MDGA2: variants seen among roughly 807,000 people sequenced by gnomAD.
MDGA2 encodes MAM domain-containing glycosylphosphatidylinositol anchor protein 2.
MDGA2 carries 40 observed loss-of-function variants against 117.8 expected under a neutral mutation model. That is an observed-to-expected ratio of 0.34 (90% CI 0.26 to 0.44). The LOEUF is 0.44. MDGA2 is among the 20% of genes least tolerant of loss of function. MDGA2 has a pLI of 1.00. For missense variants in MDGA2, 1,123 were observed against 1,250.6 expected (o/e 0.90, Z 1.54); for synonymous variants, 452 against 439.0 (o/e 1.03, Z -0.37).
At chr14:47,308,502 G>GTTTTTTTTTTTTTTT in intron 1 of MDGA2, among the ~76,000 whole-genome samples, 1 of 112,922 alleles carries the variant, frequency 8.9e-6, no homozygotes. Context: ...CTTTCTGTTA[G>GTTTTTTTTTTTTTTT]TTTTTTTTTT....
At chr14:47,510,663 T>A (rs1311767763) in intron 1 of MDGA2, among the ~76,000 whole-genome samples, 1 of 152,182 alleles carries the variant, frequency 6.6e-6, no homozygotes, top group East Asian at 1.9e-4. Flanking sequence ...CTAGGTGATA[T>A]AAGGATAAAT....
chr14:46,975,603 T>C (rs1886425680), intron 8 of MDGA2, among the ~76,000 whole-genome samples: 4 of 152,076 alleles, frequency 2.6e-5, no homozygotes. Flanking sequence ...AAAAGACAAA[T>C]ACTTTATGAT....
At chr14:47,207,063 G>A (rs376337092) in intron 3 of MDGA2, among the ~76,000 whole-genome samples, 18 of 152,110 alleles carry the variant, frequency 1.2e-4, no homozygotes, top group South Asian at 2.1e-4. Flanking sequence ...TAAGCAACAC[G>A]TGTTTCTCAT....
intron 5 of MDGA2, 83 bp downstream of exon 5, chr14:47,131,631 T>G: frequency 1.8e-6 from 2 of 1,112,682 alleles, no homozygotes; most frequent in Non-Finnish European, 2.5e-6. Flanking sequence ...GTAGAAATCA[T>G]TTGGTCTTTA....
intron 8 of MDGA2, among the ~76,000 whole-genome samples, chr14:46,965,213 G>A (rs1039537896): frequency 5.0e-5 from 6 of 120,170 alleles, no homozygotes; most frequent in East Asian, 2.5e-4. Context: ...GCGAGCCACC[G>A]CGCCCGGCCT....
At chr14:47,674,426 GC>G in intron 1 of MDGA2, 90 bp downstream of exon 1, 1 of 1,113,778 alleles carries the variant, frequency 9.0e-7, no homozygotes. Flanking sequence ...GCCGGGAGGG[GC>G]CCCGGAACGG....
At chr14:46,895,913 T>C (rs1883058333) in intron 10 of MDGA2, among the ~76,000 whole-genome samples, 1 of 152,194 alleles carries the variant, frequency 6.6e-6, no homozygotes, top group South Asian at 2.1e-4. Context: ...AAGTTCTTGC[T>C]TCTGGTGAGT....
rs143969980 is a variant in MDGA2, at chr14:47,259,731, A to G, written c.421-41536T>C. On this transcript the variant is annotated intron_variant, in intron 2 of 16. Transcript: ENST00000399232. ...AGTGGCTTTAGAAAATAAGGGCTCA[A>G]TGACACTGGTTGCTGAAGTCATAGG... Among the ~76,000 whole-genome samples the G allele has an allele frequency of 5.6e-4, 85 of 152,256 alleles. No homozygotes were observed. The East Asian group carries it at 0.015, about 27-fold the overall frequency.
At chr14:47,544,233 G>C (rs565175119) in intron 1 of MDGA2, among the ~76,000 whole-genome samples, 1 of 152,054 alleles carries the variant, frequency 6.6e-6, no homozygotes, top group Non-Finnish European at 1.5e-5. Flanking sequence ...ATGAGACTAC[G>C]TGTGTAAGCT....
At chr14:47,176,579 G>T (rs1884460013) in intron 3 of MDGA2, among the ~76,000 whole-genome samples, 1 of 152,160 alleles carries the variant, frequency 6.6e-6, no homozygotes, top group South Asian at 2.1e-4. Context: ...AAATGGTGTT[G>T]GGAAAACTGA....
At chr14:47,288,431 C>T (rs1394720068) in intron 2 of MDGA2, among the ~76,000 whole-genome samples, 1 of 152,116 alleles carries the variant, frequency 6.6e-6, no homozygotes, top group Non-Finnish European at 1.5e-5. Flanking sequence ...TACCATATTG[C>T]AGACCCAGAT....
intron 1 of MDGA2, among the ~76,000 whole-genome samples, chr14:47,560,194 A>C (rs1238346702): frequency 2.6e-5 from 4 of 151,288 alleles, no homozygotes; most frequent in African/African-American, 9.7e-5. Flanking sequence ...CAGCCTTCCG[A>C]GTAGCTGGGA....
chr14:47,072,375 T>A (rs972790455), intron 6 of MDGA2, among the ~76,000 whole-genome samples: 1 of 152,204 alleles, frequency 6.6e-6, no homozygotes, highest in African/African-American at 2.4e-5. Flanking sequence ...TTGTTTGCAT[T>A]TCTTAGAGAC....
At chr14:46,962,407 T>C (rs1310387986) in intron 8 of MDGA2, among the ~76,000 whole-genome samples, 4 of 152,140 alleles carry the variant, frequency 2.6e-5, no homozygotes, top group African/African-American at 9.7e-5. Flanking sequence ...TCCAACTTCT[T>C]GGGAGACAGT....
At chr14:46,875,833 T>G (rs1256542072) in intron 12 of MDGA2, among the ~76,000 whole-genome samples, 2 of 151,642 alleles carry the variant, frequency 1.3e-5, no homozygotes, top group African/African-American at 4.8e-5. Flanking sequence ...GATAAAGGAT[T>G]TCAGTTTATG....
intron 2 of MDGA2, among the ~76,000 whole-genome samples, chr14:47,281,622 TTCC>T (rs1328946741): frequency 1.3e-5 from 2 of 152,226 alleles, no homozygotes; most frequent in Non-Finnish European, 2.9e-5. Flanking sequence ...CATTTTTAAT[TTCC>T]TCAACATATT....
At chr14:47,622,851 C>T (rs1231966146) in intron 1 of MDGA2, among the ~76,000 whole-genome samples, 1 of 152,072 alleles carries the variant, frequency 6.6e-6, no homozygotes, top group Admixed American at 6.5e-5. Context: ...GCTTCTGATG[C>T]CAGATGGTTG....
rs150305714 is a variant in MDGA2 at position 47,326,957 on chromosome 14, A to C, written c.281-25407T>G. Among the ~76,000 whole-genome samples the C allele has an allele frequency of 4.6e-4, 70 of 152,284 alleles. 1 individual carries two copies. Among genetic ancestry groups the C allele is most frequent in the Non-Finnish European group, 7.3e-4 (50 of 68,032 alleles). On this transcript the variant is annotated intron_variant, in intron 1 of 16. Transcript: ENST00000399232. ...ATCATGATTGAAGAGATATTAACAA[A>C]GAGGCTGCTTACCAAGGAGAGGATG...
At chr14:46,893,428 TA>T (rs1419384205) in intron 10 of MDGA2, among the ~76,000 whole-genome samples, 1 of 151,956 alleles carries the variant, frequency 6.6e-6, no homozygotes, top group East Asian at 1.9e-4. Flanking sequence ...GGATAGAGAT[TA>T]ATCACAGAAC....
Sources: allele counts gnomAD v4.1 joint callset (sites outside exome capture counted in the v4.1 genomes callset), GRCh38; gene constraint gnomAD v4.1.1; transcripts MANE v1.5; gene names NCBI Gene and HGNC (gene_info 2026-07-23, HGNC 2026-07-21).